The following LMBR1 variants were observed in gnomAD, a reference collection of about 807,000 sequenced individuals.
LMBR1 encodes limb development membrane protein 1.
A neutral mutation model predicts 73.9 loss-of-function variants in LMBR1; 52 were observed. The observed-to-expected ratio is 0.70, with a 90% CI of 0.56 to 0.89. The LOEUF (loss-of-function observed/expected upper bound fraction) is 0.89, where lower values mean the gene tolerates loss of function less well. Ranked by LOEUF, LMBR1 falls within the 40% of genes least tolerant of loss-of-function variation. LMBR1 has a pLI of 0.00. For synonymous variants in LMBR1, 215 were observed against 209.4 expected (o/e 1.03, Z -0.23); for missense variants, 539 against 579.8 (o/e 0.93, Z 0.72).
intron 1 of LMBR1, among the ~76,000 whole-genome samples, chr7:156,885,256 G>C (rs906564960): frequency 6.6e-6 from 1 of 152,060 alleles, no homozygotes; most frequent in African/African-American, 2.4e-5. Context: ...GGGAGGCTGA[G>C]GCAGGATAAT....
chr7:156,784,198 T>A (rs963230942), intron 5 of LMBR1, among the ~76,000 whole-genome samples: 2 of 152,188 alleles, frequency 1.3e-5, no homozygotes, highest in African/African-American at 4.8e-5. Flanking sequence ...GTCTACTAAC[T>A]CTTTGAGTAA....
chr7:156,891,388 T>C (rs1802960286), intron 1 of LMBR1, among the ~76,000 whole-genome samples: 1 of 148,706 alleles, frequency 6.7e-6, no homozygotes, highest in Admixed American at 6.7e-5. Flanking sequence ...GCACCGAGAA[T>C]GAATTATAAC....
chr7:156,778,159 T>C (rs945815936), intron 5 of LMBR1, among the ~76,000 whole-genome samples: 1 of 152,228 alleles, frequency 6.6e-6, no homozygotes, highest in African/African-American at 2.4e-5. Flanking sequence ...ATATAAATTG[T>C]TCAAAAAGTT....
chr7:156,676,581 G>T (rs375486401), downstream of LMBR1: 2 of 1,614,064 alleles, frequency 1.2e-6, no homozygotes, highest in African/African-American at 2.7e-5. Context: ...GGAGTTCTCC[G>T]TGGGAGACAG....
At position 156,892,954 on chromosome 7, in the gene LMBR1, A is replaced by C; in HGVS notation, c.40T>G (p.Phe14Val). 1.3e-6 allele frequency: 2 copies of C among 1,543,012 alleles called. No individual in the cohort carries two copies. Among genetic ancestry groups the C allele is most frequent in the Non-Finnish European group, 1.7e-6 (2 of 1,152,106 alleles). ...QDEVSAREQH[F>V]HSQVRESTIC... ...GTGGACTCCCGCACTTGGCTGTGGA[A>C]GTGCTGCTCCCGCGCCGACACCTCG... The change falls in exon 1 of 17, where the codon TTC (phenylalanine) becomes GTC (valine). Residue 14 changes from phenylalanine to valine, a missense_variant. Physicochemically the swap from Phe to Val is conservative, Grantham distance 50 (BLOSUM62 -1). Coordinates refer to ENST00000353442, the MANE Select transcript of LMBR1 (RefSeq NM_022458.4).
chr7:156,814,364 A>G (rs192484212), intron 4 of LMBR1, among the ~76,000 whole-genome samples: 1 of 152,376 alleles, frequency 6.6e-6, no homozygotes, highest in East Asian at 1.9e-4. Context: ...TTCTATCAAC[A>G]TAAAACAAAA....
rs1805015736 is a variant in LMBR1 at position 156,681,477 on chromosome 7, G to A, written c.*2601C>T. On this transcript the variant is annotated 3_prime_UTR_variant, in exon 17 of 17. Coordinates refer to ENST00000353442, the MANE Select transcript of LMBR1 (RefSeq NM_022458.4). The stretch of plus-strand genomic sequence containing the variant: ...AATAGTAAATCTAAGAAGTATCTTG[G>A]AAAATCAGTAAAAATTAATACAAAT... The A allele has an allele frequency of 1.3e-5, 2 of 155,148 alleles. No individual in the cohort carries two copies. Among genetic ancestry groups the A allele is most frequent in the Admixed American group, 1.3e-4 (2 of 15,322 alleles). 9.6% of individuals were successfully genotyped at this position (155,148 alleles called of 1,614,324 possible). A position where few individuals can be genotyped will look rare whatever the true frequency, so the allele number is the denominator to read the frequency against.
intron 15 of LMBR1, among the ~76,000 whole-genome samples, chr7:156,691,264 A>C (rs1214189963): frequency 6.6e-6 from 1 of 152,214 alleles, no homozygotes; most frequent in Non-Finnish European, 1.5e-5. Flanking sequence ...ACCAGGCAAG[A>C]AGCTTAGTAA....
At chr7:156,773,731 T>G (rs1339226128) in intron 5 of LMBR1, among the ~76,000 whole-genome samples, 1 of 151,910 alleles carries the variant, frequency 6.6e-6, no homozygotes, top group Non-Finnish European at 1.5e-5. Context: ...ATGTAAAACC[T>G]AAAACCGTTA....
rs765738640 is a variant in LMBR1 at position 156,688,089 on chromosome 7, G to A, written c.1328C>T (p.Thr443Ile). ...GGTGAATTTTCGGACCAGACACAATGTTGTCACAATAGCAAAAAGCAAATT... is the reference window on the plus strand; with the variant it reads ...GGTGAATTTTCGGACCAGACACAATATTGTCACAATAGCAAAAAGCAAATT... ...SYNLLFAIVT[T>I]LCLVRKFTSA... The change falls in exon 16 of 17, where the codon ACA becomes ATA. Residue 443 changes from threonine (T) to isoleucine (I), a missense_variant. Physicochemically the swap from Thr to Ile is moderately conservative, Grantham distance 89. Transcript: ENST00000353442. The A allele has an allele frequency of 1.2e-6, 2 of 1,613,066 alleles. No individual in the cohort carries two copies. Among genetic ancestry groups the A allele is most frequent in the Non-Finnish European group, 1.7e-6 (2 of 1,179,652 alleles).
intron 15 of LMBR1, among the ~76,000 whole-genome samples, chr7:156,690,604 C>G (rs1806978965): frequency 6.6e-6 from 1 of 152,178 alleles, no homozygotes; most frequent in African/African-American, 2.4e-5. Context: ...TTAGACATAT[C>G]TAGGCAAAGA....
Position 156,762,114 on chromosome 7 carries a change from AT to A in LMBR1, c.684+19del. ...ACACATTTATTTAATAAACAAAATGATTTATAATTAAATACTTACTGTTGGC... is the reference window on the plus strand; with the variant it reads ...ACACATTTATTTAATAAACAAAATGATTATAATTAAATACTTACTGTTGGC... On this transcript the variant is annotated intron_variant, in intron 8 of 16. Coordinates refer to ENST00000353442, the MANE Select transcript of LMBR1 (RefSeq NM_022458.4). The A allele has an allele frequency of 1.4e-6, 2 of 1,453,312 alleles. No homozygotes were observed. The highest frequency in any genetic ancestry group is 1.2e-5 in the South Asian group (1 of 86,242). 90.0% of individuals were successfully genotyped at this position (1,453,312 alleles called of 1,614,324 possible). A position where few individuals can be genotyped will look rare whatever the true frequency, so the allele number is the denominator to read the frequency against.
intron 10 of LMBR1, 162 bp downstream of exon 10, chr7:156,734,015 A>C (rs887396952): frequency 6.3e-6 from 3 of 478,176 alleles, no homozygotes. Context: ...ATGTAAACTT[A>C]TCCTCTCCCC....
rs190709318 is a variant in LMBR1, at chr7:156,710,692, A to G, written c.1225+13420T>C. 8.5e-5 allele frequency among the ~76,000 whole-genome samples: 13 copies of G among 152,372 alleles called. No homozygotes were observed. The East Asian group carries it at 2.5e-3, about 29-fold the overall frequency. ...AGAACACTTGGGAAATTCATCACAA[A>G]ATGATCATCACACAAACACGTAGTC... is the stretch of plus-strand genomic sequence containing the variant. On this transcript the variant is annotated intron_variant, in intron 15 of 16. Coordinates refer to ENST00000353442, the MANE Select transcript of LMBR1 (RefSeq NM_022458.4).
At chr7:156,855,787 A>C (rs1796877275) in intron 1 of LMBR1, among the ~76,000 whole-genome samples, 1 of 152,138 alleles carries the variant, frequency 6.6e-6, no homozygotes, top group Admixed American at 6.5e-5. Flanking sequence ...TTACAAATAG[A>C]GGATCAAAGA....
intron 2 of LMBR1, among the ~76,000 whole-genome samples, chr7:156,836,124 C>A (rs1388058973): frequency 1.3e-5 from 2 of 152,172 alleles, no homozygotes; most frequent in African/African-American, 4.8e-5. Context: ...AAAAGTCCCG[C>A]AAGTTTAAAC....
chr7:156,823,945 C>G (rs560404740), intron 4 of LMBR1: 1 of 152,204 alleles, frequency 6.6e-6, no homozygotes, highest in East Asian at 1.9e-4. Flanking sequence ...AAAAAATTAA[C>G]TGGGTATAGT....
rs986889666 is a variant in LMBR1 at position 156,763,928 on chromosome 7, C to T, written c.424-133G>A. The T allele has an allele frequency of 8.4e-6, 5 of 593,088 alleles. No homozygotes were observed. The highest frequency in any genetic ancestry group is 1.3e-5 in the Non-Finnish European group (5 of 375,318). The allele number at this position is 593,088 out of a possible 1,614,324, so 36.7% of individuals were successfully genotyped here. ...TTTATATTTATTAAAAGGAAAAAAACACTAGGTACTTATGGTTTACAATGT... is the reference window on the plus strand; with the variant it reads ...TTTATATTTATTAAAAGGAAAAAAATACTAGGTACTTATGGTTTACAATGT... On this transcript the variant is annotated intron_variant, in intron 5 of 16. Coordinates refer to ENST00000353442, the MANE Select transcript of LMBR1 (RefSeq NM_022458.4).
chr7:156,865,900 T>A (rs556036972), intron 1 of LMBR1, among the ~76,000 whole-genome samples: 2 of 152,276 alleles, frequency 1.3e-5, no homozygotes, highest in African/African-American at 2.4e-5. Context: ...AGAATGGAGA[T>A]GGGACCCCTT....
Sources: gnomAD v4.1 joint callset for allele counts (sites outside exome capture counted in the v4.1 genomes callset) on GRCh38, gnomAD v4.1.1 for gene constraint, MANE v1.5 for transcripts, NCBI Gene and HGNC (gene_info 2026-07-23, HGNC 2026-07-21) for gene names.